Variants in TNFSF15 observed in about 807,000 individuals in gnomAD.
TNFSF15 encodes tumor necrosis factor ligand superfamily member 15.
TNFSF15 carries 15 observed loss-of-function variants against 26.4 expected under a neutral mutation model. That is an observed-to-expected ratio of 0.57 (90% CI 0.38 to 0.87). The LOEUF (loss-of-function observed/expected upper bound fraction) is 0.87, where lower values mean the gene tolerates loss of function less well. TNFSF15 is among the 40% of genes least tolerant of loss of function. The pLI is 0.00. For synonymous variants in TNFSF15, 116 were observed against 115.0 expected, an observed-to-expected ratio of 1.01 and a Z score of -0.06; for missense variants, 290 against 306.1, an observed-to-expected ratio of 0.95 and a Z score of 0.39.
At chr9:114,799,670 G>A (rs778339757) in intron 1 of TNFSF15, among the ~76,000 whole-genome samples, 9 of 152,246 alleles carry the variant, frequency 5.9e-5, no homozygotes, top group Non-Finnish European at 1.2e-4. Flanking sequence ...ATGACCTCTT[G>A]TAGCCAGTGT....
chr9:114,801,489 G>A (rs1011777393), intron 1 of TNFSF15, among the ~76,000 whole-genome samples: 8 of 152,292 alleles, frequency 5.3e-5, no homozygotes, highest in South Asian at 2.1e-4. Flanking sequence ...CTGGCCAGGC[G>A]ATGGCAAATT....
Position 114,789,754 on chromosome 9 carries a change from G to A in TNFSF15, c.*698C>T, listed in dbSNP as rs1339401588. ...TTAAGGTAGAACCCAGCACAAAATA[G>A]GTGGGCAAGAAAACTCTACTGAATA... On this transcript the variant is annotated 3_prime_UTR_variant, in exon 4 of 4. Transcript: ENST00000374045. The A allele has an allele frequency of 1.3e-5, 2 of 152,286 alleles. No individual in the cohort carries two copies. Among genetic ancestry groups the A allele is most frequent in the Non-Finnish European group, 2.9e-5 (2 of 68,028 alleles). The allele number at this position is 152,286 out of a possible 1,614,324, so 9.4% of individuals were successfully genotyped here.
rs1298333497 is a variant in TNFSF15, at chr9:114,786,142, C to T, written c.*4310G>A. 6.6e-6 allele frequency: 1 copy of T among 152,200 alleles called. No homozygotes were observed. The highest frequency in any genetic ancestry group is 1.5e-5 in the Non-Finnish European group (1 of 68,046). 9.4% of individuals were successfully genotyped at this position (152,200 alleles called of 1,614,324 possible). A position where few individuals can be genotyped will look rare whatever the true frequency, so the allele number is the denominator to read the frequency against. On this transcript the variant is annotated 3_prime_UTR_variant, in exon 4 of 4. Coordinates refer to ENST00000374045, the MANE Select transcript of TNFSF15 (RefSeq NM_005118.4). ...CAGTCTACTAAATTCTCTGTAGGTC[C>T]AGCTGCCAATATGATGCAAAAATGT...
chr9:114,799,453 A>C (rs974988601), intron 1 of TNFSF15, among the ~76,000 whole-genome samples: 1 of 152,180 alleles, frequency 6.6e-6, no homozygotes, highest in African/African-American at 2.4e-5. Context: ...GTATCTTTTT[A>C]TCACAAGGAG....
intron 1 of TNFSF15, among the ~76,000 whole-genome samples, chr9:114,795,849 C>T (rs1756737166): frequency 6.6e-6 from 1 of 152,212 alleles, no homozygotes; most frequent in African/African-American, 2.4e-5. Flanking sequence ...CCTGCGTAGT[C>T]ATGTGGATGT....
In TNFSF15 at chr9:114,790,737, C is replaced by A; in HGVS notation, c.471G>T (p.Gly157=). The A allele has an allele frequency of 6.2e-7, 1 of 1,614,014 alleles. No individual in the cohort carries two copies. Among genetic ancestry groups the A allele is most frequent in the Non-Finnish European group, 8.5e-7 (1 of 1,180,008 alleles). Residue 157 remains glycine (G), a synonymous_variant, in exon 4 of 4, where the codon GGG becomes GGT. Coordinates refer to ENST00000374045, the MANE Select transcript of TNFSF15 (RefSeq NM_005118.4). Reference sequence around the variant, plus strand: ...TGATTTCACTGCACTCAGAGGTCATCCCACGGAATGTGACCTGGGAGTAAA... The same window carrying A: ...TGATTTCACTGCACTCAGAGGTCATACCACGGAATGTGACCTGGGAGTAAA... ...YFIYSQVTFR[G]MTSECSEIRQ...
At chr9:114,792,232 C>CGT (rs1829613036) in intron 3 of TNFSF15, 175 bp downstream of exon 3, 1 of 136,482 alleles carries the variant, frequency 7.3e-6, no homozygotes, top group African/African-American at 7.3e-5. Flanking sequence ...TGTACACACA[C>CGT]ACACACACAC....
chr9:114,801,919 T>C (rs981427236), intron 1 of TNFSF15, among the ~76,000 whole-genome samples: 7 of 152,244 alleles, frequency 4.6e-5, no homozygotes, highest in African/African-American at 1.7e-4. Flanking sequence ...ACCAGGATGC[T>C]AGCAGAATTA....
intron 1 of TNFSF15, among the ~76,000 whole-genome samples, chr9:114,797,262 G>C (rs1829683674): frequency 6.6e-6 from 1 of 152,186 alleles, no homozygotes. Flanking sequence ...TGCTCTGCTG[G>C]ACTTCTGTAA....
chr9:114,793,708 A>T lies in TNFSF15; in HGVS notation c.211-140T>A, dbSNP rs576127595. The T allele has an allele frequency of 1.5e-4, 111 of 748,946 alleles. 1 individual carries two copies. The South Asian group carries it at 1.9e-3, about 13-fold the overall frequency. The allele number at this position is 748,946 out of a possible 1,614,324, so 46.4% of individuals were successfully genotyped here. A position where few individuals can be genotyped will look rare whatever the true frequency, so the allele number is the denominator to read the frequency against. On this transcript the variant is annotated intron_variant, in intron 1 of 3. Transcript: ENST00000374045. ...CTGTGATGAGGGAAATGAGAATGAAAATATTTTTGTTGATGGGAATCTTGC... is the reference window on the plus strand; with the variant it reads ...CTGTGATGAGGGAAATGAGAATGAATATATTTTTGTTGATGGGAATCTTGC...
Position 114,787,730 on chromosome 9 carries a change from C to T in TNFSF15, c.*2722G>A, listed in dbSNP as rs188878950. The T allele has an allele frequency of 5.3e-4, 81 of 153,764 alleles. No homozygotes were observed. The highest frequency in any genetic ancestry group is 1.9e-3 in the African/African-American group (77 of 41,530). The allele number at this position is 153,764 out of a possible 1,614,324, so 9.5% of individuals were successfully genotyped here. ...GGGAACAGAAGTTCTGACATGAGCCCTATTAGGAATGTCTGACTGTGCCTT... is the reference window on the plus strand; with the variant it reads ...GGGAACAGAAGTTCTGACATGAGCCTTATTAGGAATGTCTGACTGTGCCTT... On this transcript the variant is annotated 3_prime_UTR_variant, in exon 4 of 4. Transcript: ENST00000374045.
Position 114,790,831 on chromosome 9 carries a change from GC to G in TNFSF15, c.376del (p.Ala126ProfsTer7). On this transcript the variant is annotated frameshift_variant, in exon 4 of 4. Transcript: ENST00000374045. LOFTEE classifies it high-confidence loss of function. ...ALHWEHELGL[A>X]FTKNRMNYTN... ...ATAGTTCATTCGGTTCTTGGTGAAG[GC>G]CAGGCCTAGTTCATGTTCCCAGTGC... The G allele has an allele frequency of 6.2e-7, 1 of 1,614,098 alleles. No homozygotes were observed. The highest frequency in any genetic ancestry group is 8.5e-7 in the Non-Finnish European group (1 of 1,180,020).
At position 114,805,940 on chromosome 9, in the gene TNFSF15, T is replaced by C. The variant is rs1400935280; in HGVS notation, c.73A>G (p.Arg25Gly). The change falls in exon 1 of 4, where the codon AGG becomes GGG. Residue 25 changes from arginine to glycine, a missense_variant. By Grantham distance (125) the Arg-to-Gly change is moderately radical. Coordinates refer to ENST00000374045, the MANE Select transcript of TNFSF15 (RefSeq NM_005118.4). ...VEMLPEHGSC[R>G]PKARSSSARW... ...GCGCTGCTGCTCCTGGCCTTGGGCC[T>C]GCAGCTGCCGTGCTCTGGCAGCATT... 2 of 1,614,034 alleles carry C rather than the reference T, an allele frequency of 1.2e-6. No individual in the cohort carries two copies. The highest frequency in any genetic ancestry group is 1.1e-5 in the South Asian group (1 of 91,076).
intron 1 of TNFSF15, among the ~76,000 whole-genome samples, chr9:114,804,189 G>A (rs975877184): frequency 6.6e-6 from 1 of 152,204 alleles, no homozygotes; most frequent in Non-Finnish European, 1.5e-5. Context: ...GATGGTGTCA[G>A]CCTTATTCAT....
intron 1 of TNFSF15, among the ~76,000 whole-genome samples, chr9:114,798,002 G>C (rs776851998): frequency 6.6e-6 from 1 of 152,188 alleles, no homozygotes; most frequent in Non-Finnish European, 1.5e-5. Flanking sequence ...CAGACAAAGA[G>C]AGTCAGAGAG....
chr9:114,797,077 G>C (rs1829681778), intron 1 of TNFSF15, among the ~76,000 whole-genome samples: 1 of 152,198 alleles, frequency 6.6e-6, no homozygotes, highest in Admixed American at 6.5e-5. Context: ...GTGTAGGAAA[G>C]GTACCTGCCC....
chr9:114,787,780 A>G lies in TNFSF15; in HGVS notation c.*2672T>C, dbSNP rs547550333. 9.7e-5 allele frequency: 15 copies of G among 153,910 alleles called. No individual in the cohort carries two copies. Among genetic ancestry groups the G allele is most frequent in the African/African-American group, 3.6e-4 (15 of 41,582 alleles). 9.5% of individuals were successfully genotyped at this position (153,910 alleles called of 1,614,324 possible). A position where few individuals can be genotyped will look rare whatever the true frequency, so the allele number is the denominator to read the frequency against. ...TTCCGTAAAAAATATACTATACAGA[A>G]TTTAACAAAATCAGCAGTAAAAACT... On this transcript the variant is annotated 3_prime_UTR_variant, in exon 4 of 4. Coordinates refer to ENST00000374045, the MANE Select transcript of TNFSF15 (RefSeq NM_005118.4).
chr9:114,795,844 G>A (rs543694415), intron 1 of TNFSF15, among the ~76,000 whole-genome samples: 6 of 152,294 alleles, frequency 3.9e-5, no homozygotes, highest in East Asian at 3.9e-4. Flanking sequence ...ATCTGCCTGC[G>A]TAGTCATGTG....
At chr9:114,799,337 T>C (rs1829710799) in intron 1 of TNFSF15, among the ~76,000 whole-genome samples, 1 of 152,228 alleles carries the variant, frequency 6.6e-6, no homozygotes, top group Non-Finnish European at 1.5e-5. Flanking sequence ...ATAAGGTTCA[T>C]TTTCCTCATT....
Sources: gnomAD v4.1 joint callset for allele counts (sites outside exome capture counted in the v4.1 genomes callset) on GRCh38, gnomAD v4.1.1 for gene constraint, MANE v1.5 for transcripts, NCBI Gene and HGNC (gene_info 2026-07-23, HGNC 2026-07-21) for gene names.